NLRC5: variants seen among roughly 807,000 people sequenced by gnomAD.
NLRC5 encodes the protein NLR family CARD domain containing 5.
In NLRC5, 114 loss-of-function variants were observed where a neutral mutation model predicts 206.9. The ratio of observed to expected loss-of-function variants is 0.55; its 90% CI spans 0.47 to 0.64. The LOEUF (loss-of-function observed/expected upper bound fraction) is 0.64. NLRC5 is among the 30% of genes least tolerant of loss of function. The pLI is 0.00. For synonymous variants in NLRC5, 952 were observed against 962.8 expected (o/e 0.99, Z 0.21); for missense variants, 2,008 against 2,305.5 (o/e 0.87, Z 2.64).
intron 13 of NLRC5, 143 bp downstream of exon 13, chr16:57,034,394 C>G (rs2062257681): frequency 6.1e-6 from 4 of 654,780 alleles, no homozygotes; most frequent in Admixed American, 2.4e-5. Context: ...ATTGTAACAG[C>G]TGCTACTATT....
intron 20 of NLRC5, 74 bp downstream of exon 20, chr16:57,043,678 C>T: frequency 2.5e-6 from 3 of 1,187,052 alleles, no homozygotes; most frequent in Non-Finnish European, 2.5e-6. Context: ...ACGTGGGCCC[C>T]TTGTCCACCA....
intron 5 of NLRC5, among the ~76,000 whole-genome samples, chr16:57,025,030 A>T (rs2061129634): frequency 6.6e-6 from 1 of 152,088 alleles, no homozygotes; most frequent in Non-Finnish European, 1.5e-5. Context: ...AAAAAAAGAG[A>T]TGTTGCAAAG....
chr16:57,022,169 G>T, intron 3 of NLRC5, 87 bp from the exon 4 acceptor site: 1 of 1,054,314 alleles, frequency 9.5e-7, no homozygotes, highest in South Asian at 1.5e-5. Flanking sequence ...CCTGTGAGAT[G>T]AGCCCTGAGC....
chr16:57,000,560 C>T (rs543123421), intron 1 of NLRC5, among the ~76,000 whole-genome samples: 2 of 152,254 alleles, frequency 1.3e-5, no homozygotes, highest in Admixed American at 1.3e-4. Flanking sequence ...CTCTTCAACT[C>T]CTGGCTCCTC....
At chr16:57,054,710 T>C in intron 24 of NLRC5, 41 bp from the exon 25 acceptor site, 2 of 1,493,632 alleles carry the variant, frequency 1.3e-6, no homozygotes, top group Non-Finnish European at 1.9e-6. Flanking sequence ...CCAGGTTCCT[T>C]GTCCACTCAT....
intron 23 of NLRC5, among the ~76,000 whole-genome samples, chr16:57,048,872 C>T (rs1387228241): frequency 2.6e-5 from 4 of 152,078 alleles, no homozygotes. Flanking sequence ...TAAAGTCAAC[C>T]AATGGTCAGT....
chr16:57,021,216 A>ACTCGAATTG lies in NLRC5; in HGVS notation c.295+221_295+229dup. 5 of 526,104 alleles carry ACTCGAATTG rather than the reference A, an allele frequency of 9.5e-6. No homozygotes were observed. The South Asian group carries it at 1.4e-4, about 15-fold the overall frequency. 32.6% of individuals were successfully genotyped at this position (526,104 alleles called of 1,614,324 possible). The stretch of plus-strand genomic sequence containing the variant: ...AGGACCCCTCCTTCTACCTGGCTTC[A>ACTCGAATTG]CTCGAATTGCTCGAATTGCTGAGTG... On this transcript the variant is annotated intron_variant, in intron 3 of 48. Transcript: ENST00000688547.
At chr16:57,024,185 G>A (rs1326404766) in intron 5 of NLRC5, among the ~76,000 whole-genome samples, 2 of 152,208 alleles carry the variant, frequency 1.3e-5, no homozygotes, top group East Asian at 1.9e-4. Flanking sequence ...GGAGACCCAG[G>A]GAGGAGACCA....
chr16:57,034,317 T>C, intron 13 of NLRC5, 66 bp downstream of exon 13: 3 of 882,434 alleles, frequency 3.4e-6, no homozygotes, highest in Non-Finnish European at 5.4e-6. Flanking sequence ...GGGCAGGGCC[T>C]CGCCTTTGGG....
At chr16:57,045,620 T>C (rs1238003124) in intron 21 of NLRC5, 128 bp downstream of exon 21, 1 of 780,752 alleles carries the variant, frequency 1.3e-6, no homozygotes, top group Non-Finnish European at 2.2e-6. Context: ...TCCGGCACAC[T>C]AGGTTTAATC....
At chr16:57,065,365 C>T in intron 33 of NLRC5, 67 bp downstream of exon 33, 1 of 1,157,916 alleles carries the variant, frequency 8.6e-7, no homozygotes, top group Non-Finnish European at 1.2e-6. Flanking sequence ...TTTTCCTTGA[C>T]CTTCCCTCAT....
Position 57,055,445 on chromosome 16 carries a change from C to T in NLRC5, c.3672C>T (p.Gly1224=). ...TACCTCCGTCCAGCAGGTTCACAGG[C>T]TGCAGCCTCAGCCAGGAGCACGTAG... ...EEGVCCGRFT[G]CSLSQEHVES... is the part of the protein sequence containing the mutation. Residue 1224 remains glycine (G), a synonymous_variant, in exon 27 of 49, where the codon GGC becomes GGT. Transcript: ENST00000688547. The T allele has an allele frequency of 1.2e-6, 2 of 1,614,012 alleles. No individual in the cohort carries two copies. Among genetic ancestry groups the T allele is most frequent in the South Asian group, 1.1e-5 (1 of 91,060 alleles).
At chr16:57,016,218 A>T (rs573034655) in intron 1 of NLRC5, among the ~76,000 whole-genome samples, 1 of 152,360 alleles carries the variant, frequency 6.6e-6, no homozygotes, top group African/African-American at 2.4e-5. Flanking sequence ...CCATCTCAAG[A>T]AAAAAGAAAG....
intron 9 of NLRC5, 59 bp downstream of exon 9, chr16:57,029,915 A>G (rs1024235819): frequency 1.2e-6 from 2 of 1,602,062 alleles, no homozygotes; most frequent in Non-Finnish European, 1.7e-6. Flanking sequence ...GATTCACCCC[A>G]CTCCCTTGCA....
At chr16:57,010,936 T>C (rs1233827313) in intron 1 of NLRC5, among the ~76,000 whole-genome samples, 2 of 152,132 alleles carry the variant, frequency 1.3e-5, no homozygotes, top group Non-Finnish European at 2.9e-5. Flanking sequence ...ATTAAAAAGT[T>C]TGAATGGTTC....
chr16:57,044,838 A>T (rs1217959504), intron 20 of NLRC5, among the ~76,000 whole-genome samples: 5 of 151,752 alleles, frequency 3.3e-5, no homozygotes, highest in African/African-American at 1.2e-4. Context: ...TAGACTCAGG[A>T]GATCGAGGCT....
intron 19 of NLRC5, among the ~76,000 whole-genome samples, chr16:57,042,853 T>C (rs1437053111): frequency 6.6e-6 from 1 of 152,204 alleles, no homozygotes; most frequent in African/African-American, 2.4e-5. Context: ...CACCCTGTTT[T>C]TGTGCAATGC....
At chr16:57,047,930 C>T in intron 23 of NLRC5, 1 of 424,750 alleles carries the variant, frequency 2.4e-6, no homozygotes, top group Non-Finnish European at 4.3e-6. Flanking sequence ...CCCCTGGAGC[C>T]TCACCAGGGC....
chr16:56,991,678 CTTT>C (rs35559322), intron 1 of NLRC5, among the ~76,000 whole-genome samples: 46 of 105,628 alleles, frequency 4.4e-4, no homozygotes, highest in African/African-American at 1.1e-3. Context: ...GCCCGGACTC[CTTT>C]TTTTTTTTTT....
Sources: allele counts gnomAD v4.1 joint callset (sites outside exome capture counted in the v4.1 genomes callset), GRCh38; gene constraint gnomAD v4.1.1; transcripts MANE v1.5; gene names NCBI Gene and HGNC (gene_info 2026-07-23, HGNC 2026-07-21).